Variants in RGS7 observed in about 807,000 individuals in gnomAD.
The protein encoded by RGS7 is regulator of G protein signaling 7, also known as regulator of G-protein signaling 7.
RGS7 carries 27 observed loss-of-function variants against 81.1 expected under a neutral mutation model. The ratio of observed to expected loss-of-function variants is 0.33; its 90% confidence interval spans 0.25 to 0.46. RGS7 has a LOEUF of 0.46. Among genes scored for constraint, RGS7 ranks in the 20% least tolerant of loss-of-function variants. RGS7 has a pLI of 1.00. For synonymous variants in RGS7, 208 were observed against 207.7 expected, an observed-to-expected ratio of 1.00 and a Z score of -0.01; for missense variants, 396 against 607.4, an observed-to-expected ratio of 0.65 and a Z score of 3.66.
chr1:240,848,905 G>A (rs1298756657), intron 9 of RGS7, among the ~76,000 whole-genome samples: 1 of 152,156 alleles, frequency 6.6e-6, no homozygotes, highest in Non-Finnish European at 1.5e-5. Context: ...AGTAAAAGGT[G>A]TATTGGGATT....
rs367599374 is a variant in RGS7 at position 241,164,841 on chromosome 1, A to T, written c.79-66079T>A. Among the ~76,000 whole-genome samples the T allele has an allele frequency of 8.5e-5, 13 of 152,338 alleles. No individual in the cohort carries two copies. Among genetic ancestry groups the T allele is most frequent in the South Asian group, 2.1e-4 (1 of 4,826 alleles). ...AGGCAACTTTTTTCTCAGTAATCTA[A>T]ATTTAGGGAACTATTCTCAGAATTG... On this transcript the variant is annotated intron_variant, in intron 2 of 18. Coordinates refer to ENST00000440928, the MANE Select transcript of RGS7 (RefSeq NM_001364886.1). The surrounding 1 kb of genome is among the most constrained non-coding windows in gnomAD (Gnocchi z 4.1).
intron 6 of RGS7, among the ~76,000 whole-genome samples, chr1:240,878,489 C>CTTTTTTTTTTTTTTTTTTTTTTTTCT (rs57896753): frequency 4.3e-5 from 5 of 117,574 alleles, no homozygotes; most frequent in East Asian, 2.5e-4. Context: ...TTTTTTCTTT[C>CTTTTTTTTTTTTTTTTTTTTTTTTCT]TTTTTTTTTT....
chr1:241,047,167 C>T (rs562320370), intron 3 of RGS7, among the ~76,000 whole-genome samples: 1 of 152,218 alleles, frequency 6.6e-6, no homozygotes, highest in African/African-American at 2.4e-5. Context: ...TTGAGGTTTG[C>T]ACTGAATCCA....
chr1:241,200,594 C>A (rs562038969), intron 2 of RGS7, among the ~76,000 whole-genome samples: 5 of 152,284 alleles, frequency 3.3e-5, no homozygotes, highest in African/African-American at 1.2e-4. Flanking sequence ...AAACTAAGAG[C>A]AACACATTCC....
chr1:240,776,325 C>T (rs1682922184), intron 18 of RGS7, 112 bp from the exon 19 acceptor site: 1 of 804,932 alleles, frequency 1.2e-6, no homozygotes, highest in Non-Finnish European at 2.2e-6. Context: ...AAGGTCAACA[C>T]TGAACCCTTT....
intron 2 of RGS7, among the ~76,000 whole-genome samples, chr1:241,260,801 C>T (rs748498305): frequency 1.3e-4 from 20 of 151,786 alleles, no homozygotes; most frequent in Non-Finnish European, 2.4e-4. Context: ...TCTGCTAAAT[C>T]CTGGGAAGGT....
At chr1:241,326,101 A>G (rs980710370) in intron 2 of RGS7, among the ~76,000 whole-genome samples, 6 of 152,282 alleles carry the variant, frequency 3.9e-5, no homozygotes, top group Admixed American at 2.0e-4. Flanking sequence ...ATACTTTCCA[A>G]AGCACTCACA....
At chr1:240,977,409 A>G (rs1684299486) in intron 4 of RGS7, among the ~76,000 whole-genome samples, 1 of 152,090 alleles carries the variant, frequency 6.6e-6, no homozygotes, top group Non-Finnish European at 1.5e-5. Context: ...GTGTGTGTGT[A>G]TTTATATAAC....
chr1:241,117,718 A>G (rs531460069), intron 2 of RGS7, among the ~76,000 whole-genome samples: 19 of 152,342 alleles, frequency 1.2e-4, no homozygotes, highest in Non-Finnish European at 2.6e-4. Flanking sequence ...AACATGGATA[A>G]CAAAGAAGAA....
chr1:240,840,124 C>T (rs1444234654), intron 9 of RGS7, among the ~76,000 whole-genome samples: 1 of 152,134 alleles, frequency 6.6e-6, no homozygotes, highest in African/African-American at 2.4e-5. Flanking sequence ...CCTCCCTTTC[C>T]CCAAGTTATT....
At chr1:241,161,222 G>A (rs1203508026) in intron 2 of RGS7, among the ~76,000 whole-genome samples, 4 of 152,122 alleles carry the variant, frequency 2.6e-5, no homozygotes, top group Non-Finnish European at 4.4e-5. Flanking sequence ...GGGCCATAGT[G>A]ATGAATGTAT....
At chr1:241,085,817 G>C (rs1039747763) in intron 3 of RGS7, among the ~76,000 whole-genome samples, 2 of 152,112 alleles carry the variant, frequency 1.3e-5, no homozygotes, top group African/African-American at 4.8e-5. Flanking sequence ...TGTGCTGACT[G>C]GTTCTCTTTG....
rs1430897010 is a variant in RGS7 at position 240,811,914 on chromosome 1, T to G, written c.1082+4A>C. 6.2e-7 allele frequency: 1 copy of G among 1,611,112 alleles called. No individual in the cohort carries two copies. The highest frequency in any genetic ancestry group is 1.7e-5 in the Admixed American group (1 of 60,008). ...GCTTATAAGATCCAAGCAATGTGTT[T>G]TACCTTAAATTTTCCGAGCTGAATT... is the stretch of plus-strand genomic sequence containing the variant. On this transcript the variant is annotated splice_donor_region_variant and intron_variant, in intron 14 of 18. Transcript: ENST00000440928.
intron 3 of RGS7, among the ~76,000 whole-genome samples, chr1:241,006,433 T>C (rs993695886): frequency 6.6e-6 from 1 of 152,186 alleles, no homozygotes. Flanking sequence ...ATTAAAAAAA[T>C]GTCTATATCA....
intron 2 of RGS7, among the ~76,000 whole-genome samples, chr1:241,329,993 T>C (rs868330443): frequency 1.3e-5 from 2 of 151,956 alleles, no homozygotes; most frequent in Non-Finnish European, 2.9e-5. Context: ...CAGGCTGGAG[T>C]GGGTGGCGCA....
At position 240,976,055 on chromosome 1, in the gene RGS7, T is replaced by A. The variant is rs569788359; in HGVS notation, c.226+7024A>T. Among the ~76,000 whole-genome samples, 28 of 152,348 alleles carry A rather than the reference T, an allele frequency of 1.8e-4. 1 individual carries two copies. The South Asian group carries it at 5.8e-3, about 32-fold the overall frequency. On this transcript the variant is annotated intron_variant, in intron 4 of 18. Coordinates refer to ENST00000440928, the MANE Select transcript of RGS7 (RefSeq NM_001364886.1). The stretch of plus-strand genomic sequence containing the variant: ...GAATACCATTGTAAGAAGCCAGTGC[T>A]AGAGGCTGAAGGGCAAGAGAATGAA...
chr1:240,866,605 G>A (rs1039543541), intron 9 of RGS7, among the ~76,000 whole-genome samples: 3 of 152,084 alleles, frequency 2.0e-5, no homozygotes, highest in Non-Finnish European at 1.5e-5. Context: ...CTTTCTAGTT[G>A]GAAGCCTAGT....
rs1182520768 is a variant in RGS7 at position 241,220,983 on chromosome 1, A to AG, written c.79-122222_79-122221insC. On this transcript the variant is annotated intron_variant, in intron 2 of 18. Transcript: ENST00000440928. ...GAAGGAAGGAAGGAAGGAAGGAAGG[A>AG]AGGAAGGAAGGAAGAGAGAGAGAAA... is the stretch of plus-strand genomic sequence containing the variant. Among the ~76,000 whole-genome samples the AG allele has an allele frequency of 2.1e-4, 18 of 85,948 alleles. 1 individual carries two copies. In the East Asian group the frequency reaches 0.011, roughly 51 times the overall value. 56.4% of individuals were successfully genotyped at this position (85,948 alleles called of 152,430 possible). A position where few individuals can be genotyped will look rare whatever the true frequency, so the allele number is the denominator to read the frequency against.
rs1037517940 is a variant in RGS7, at chr1:240,879,550, T to C, written c.386-9431A>G. Among the ~76,000 whole-genome samples, 22 of 152,340 alleles carry C rather than the reference T, an allele frequency of 1.4e-4. No homozygotes were observed. The East Asian group carries it at 2.5e-3, about 17-fold the overall frequency. ...TCATCACTCTCCCTCTCTCTGATGG[T>C]ATTTCTTTTGTTTTCTACCTTTTGT... On this transcript the variant is annotated intron_variant, in intron 6 of 18. Transcript: ENST00000440928.
Sources: allele counts gnomAD v4.1 joint callset (sites outside exome capture counted in the v4.1 genomes callset), GRCh38; gene constraint gnomAD v4.1.1; non-coding constraint Gnocchi (gnomAD v3.1); transcripts MANE v1.5; gene names NCBI Gene and HGNC (gene_info 2026-07-23, HGNC 2026-07-21).